Variants in MEF2C observed in about 807,000 individuals in gnomAD.
MEF2C encodes myocyte enhancer factor 2C, also known as myocyte-specific enhancer factor 2C.
Under a neutral mutation model 50.5 loss-of-function variants are expected in MEF2C, and 6 were observed. The ratio of observed to expected loss-of-function variants is 0.12; its 90% CI spans 0.07 to 0.23. MEF2C has a LOEUF of 0.23. Among genes scored for constraint, MEF2C ranks in the 10% least tolerant of loss-of-function variants. The pLI, the probability that MEF2C is intolerant of heterozygous loss-of-function variation, is 1.00. For missense variants in MEF2C, 276 were observed against 605.0 expected, an observed-to-expected ratio of 0.46 and a Z score of 5.70; for synonymous variants, 183 against 228.0, an observed-to-expected ratio of 0.80 and a Z score of 1.78.
At chr5:88,898,175 A>G (rs890040655) in intron 1 of MEF2C, among the ~76,000 whole-genome samples, 3 of 152,162 alleles carry the variant, frequency 2.0e-5, no homozygotes, top group African/African-American at 7.2e-5. Flanking sequence ...GAACCTTTCA[A>G]GATAGTAAGA....
chr5:88,865,810 G>T (rs1827117243), intron 1 of MEF2C, among the ~76,000 whole-genome samples: 1 of 152,122 alleles, frequency 6.6e-6, no homozygotes, highest in South Asian at 2.1e-4. Flanking sequence ...GGCATCGTAA[G>T]TGACAGGAAG....
chr5:88,771,521 T>C, intron 3 of MEF2C: 1 of 985,424 alleles, frequency 1.0e-6, no homozygotes, highest in Non-Finnish European at 1.2e-6. Context: ...TATGTTATAC[T>C]GTAATTTATT....
intron 1 of MEF2C, among the ~76,000 whole-genome samples, chr5:88,863,743 T>C (rs1402747853): frequency 2.6e-5 from 4 of 152,220 alleles, no homozygotes; most frequent in Non-Finnish European, 4.4e-5. Context: ...ACACAGTATT[T>C]GTCTCTCTGT....
At chr5:88,881,534 T>A (rs1206602536) in intron 1 of MEF2C, among the ~76,000 whole-genome samples, 2 of 152,200 alleles carry the variant, frequency 1.3e-5, no homozygotes, top group Non-Finnish European at 2.9e-5. Flanking sequence ...ATGTTTTAGT[T>A]TCAAATTAGA....
At chr5:88,773,583 T>A (rs941583887) in intron 3 of MEF2C, among the ~76,000 whole-genome samples, 1 of 152,250 alleles carries the variant, frequency 6.6e-6, no homozygotes, top group Non-Finnish European at 1.5e-5. Context: ...CGACTTTCCA[T>A]CCTTGGCAAC....
intron 1 of MEF2C, among the ~76,000 whole-genome samples, chr5:88,890,380 T>C (rs1048323016): frequency 1.3e-5 from 2 of 152,234 alleles, no homozygotes; most frequent in Non-Finnish European, 2.9e-5. Context: ...CTGTCTGGCA[T>C]TGTGGAATAC....
chr5:88,825,385 C>G (rs1810414232), intron 1 of MEF2C: 1 of 605,564 alleles, frequency 1.7e-6, no homozygotes, highest in Non-Finnish European at 2.1e-6. Context: ...TTGCCTCACG[C>G]CTCTCTACTA....
chr5:88,758,415 T>A (rs2152622991), intron 4 of MEF2C, among the ~76,000 whole-genome samples: 1 of 152,202 alleles, frequency 6.6e-6, no homozygotes, highest in Middle Eastern at 3.4e-3. Context: ...CTCGACACAG[T>A]TCCAAATCAC....
At position 88,747,649 on chromosome 5, in the gene MEF2C, C is replaced by CATTTTTTT. The variant is rs1231554982; in HGVS notation, c.637+1420_637+1421insAAAAAAAT. Among the ~76,000 whole-genome samples, 7 of 24,978 alleles carry CATTTTTTT rather than the reference C, an allele frequency of 2.8e-4. 2 individuals carry two copies. The highest frequency in any genetic ancestry group is 7.7e-4 in the Non-Finnish European group (4 of 5,198). The allele number at this position is 24,978 out of a possible 152,430, so 16.4% of individuals were successfully genotyped here. On this transcript the variant is annotated intron_variant, in intron 6 of 10. Coordinates refer to ENST00000504921, the MANE Select transcript of MEF2C (RefSeq NM_002397.5). ...CAGGCGTGAGCCACCGCGCCCGGCC[C>CATTTTTTT]TTTTTTACTACTTTTAATGACTTTC...
intron 1 of MEF2C, among the ~76,000 whole-genome samples, chr5:88,865,247 C>T (rs1826912637): frequency 6.6e-6 from 1 of 152,134 alleles, no homozygotes; most frequent in Admixed American, 6.6e-5. Flanking sequence ...TTCAGAACCA[C>T]TTATCTAAGC....
intron 3 of MEF2C, among the ~76,000 whole-genome samples, chr5:88,802,621 A>AT (rs1278644798): frequency 1.3e-5 from 2 of 151,538 alleles, no homozygotes; most frequent in African/African-American, 4.8e-5. Flanking sequence ...TAATTTTTGT[A>AT]TTTTTTTTGC....
At chr5:88,759,172 GATC>G (rs1246183239) in intron 4 of MEF2C, among the ~76,000 whole-genome samples, 5 of 152,182 alleles carry the variant, frequency 3.3e-5, no homozygotes, top group Non-Finnish European at 7.3e-5. Context: ...GATAAACTCA[GATC>G]ATAAGAACTA....
chr5:88,725,863 G>A (rs1295115792), intron 10 of MEF2C, among the ~76,000 whole-genome samples: 2 of 152,118 alleles, frequency 1.3e-5, no homozygotes, highest in African/African-American at 4.8e-5. Context: ...GTATGGAAAT[G>A]CTTCCAGAAA....
At chr5:88,801,471 T>C (rs1013437719) in intron 3 of MEF2C, among the ~76,000 whole-genome samples, 6 of 151,028 alleles carry the variant, frequency 4.0e-5, no homozygotes, top group Middle Eastern at 6.3e-3. Flanking sequence ...TCAAATTTAG[T>C]GTGTCTAAGA....
intron 4 of MEF2C, among the ~76,000 whole-genome samples, chr5:88,756,106 G>A (rs1775162925): frequency 6.6e-6 from 1 of 152,154 alleles, no homozygotes; most frequent in Non-Finnish European, 1.5e-5. Context: ...AAGATCATTT[G>A]TATTCTATTA....
At chr5:88,890,201 A>G (rs1834390768) in intron 1 of MEF2C, among the ~76,000 whole-genome samples, 1 of 152,260 alleles carries the variant, frequency 6.6e-6, no homozygotes, top group African/African-American at 2.4e-5. Context: ...AAAAAGCCAC[A>G]AAGTAAAGCA....
intron 1 of MEF2C, among the ~76,000 whole-genome samples, chr5:88,902,333 CAT>C (rs1276771456): frequency 7.2e-5 from 11 of 151,794 alleles, no homozygotes; most frequent in East Asian, 3.8e-4. Flanking sequence ...AATAAATACA[CAT>C]ATATTTTTAA....
chr5:88,834,495 G>A (rs1223748766), intron 1 of MEF2C, among the ~76,000 whole-genome samples: 43 of 152,104 alleles, frequency 2.8e-4, no homozygotes, highest in Non-Finnish European at 7.4e-5. Context: ...CAGTCTTCAT[G>A]AAGCTTACGT....
chr5:88,771,728 G>A (rs987662820), intron 3 of MEF2C: 1 of 466,908 alleles, frequency 2.1e-6, no homozygotes, highest in Non-Finnish European at 2.8e-6. Flanking sequence ...AATGAGTTGG[G>A]TGGTCTTGTA....
Sources: allele counts gnomAD v4.1 joint callset (sites outside exome capture counted in the v4.1 genomes callset), GRCh38; gene constraint gnomAD v4.1.1; transcripts MANE v1.5; gene names NCBI Gene and HGNC (gene_info 2026-07-23, HGNC 2026-07-21).